The following DCC variants were observed in gnomAD, a reference collection of about 807,000 sequenced individuals.
DCC encodes the protein netrin receptor DCC.
DCC carries 58 observed loss-of-function variants against 172.5 expected under a neutral mutation model. That is an observed-to-expected ratio of 0.34 (90% CI 0.27 to 0.42). DCC has a LOEUF of 0.42. Ranked by LOEUF, DCC falls within the 10% of genes least tolerant of loss-of-function variation. The pLI, the probability that DCC is intolerant of heterozygous loss-of-function variation, is 1.00. For synonymous variants in DCC, 709 were observed against 644.5 expected, an observed-to-expected ratio of 1.10 and a Z score of -1.52; for missense variants, 1,740 against 1,791.0, an observed-to-expected ratio of 0.97 and a Z score of 0.51.
chr18:52,354,538 C>T (rs927094566), intron 1 of DCC, among the ~76,000 whole-genome samples: 9 of 152,078 alleles, frequency 5.9e-5, no homozygotes, highest in Admixed American at 2.0e-4. Flanking sequence ...TGTCAGAGAA[C>T]GCATTTTTGA....
intron 1 of DCC, among the ~76,000 whole-genome samples, chr18:52,664,972 C>A (rs575997748): frequency 6.6e-6 from 1 of 152,316 alleles, no homozygotes; most frequent in East Asian, 1.9e-4. Context: ...ATCTCCTCAC[C>A]AAATTTCTGA....
intron 2 of DCC, among the ~76,000 whole-genome samples, chr18:52,785,228 A>G (rs2037633691): frequency 1.3e-5 from 2 of 152,060 alleles, no homozygotes; most frequent in South Asian, 4.2e-4. Context: ...AAGAGAAGGG[A>G]AGATGGAGCT....
chr18:52,879,494 G>T (rs1358449363), intron 2 of DCC, among the ~76,000 whole-genome samples: 1 of 140,008 alleles, frequency 7.1e-6, no homozygotes, highest in Non-Finnish European at 1.5e-5. Flanking sequence ...CACGATCTCG[G>T]CTCACTGCAA....
intron 1 of DCC, among the ~76,000 whole-genome samples, chr18:52,690,617 A>T (rs2035916094): frequency 6.6e-6 from 1 of 152,120 alleles, no homozygotes; most frequent in Admixed American, 6.6e-5. Context: ...ACCAAAGGAG[A>T]TTGGCTGAGC....
At chr18:52,441,342 C>T (rs186054074) in intron 1 of DCC, among the ~76,000 whole-genome samples, 8 of 152,080 alleles carry the variant, frequency 5.3e-5, no homozygotes, top group Admixed American at 2.0e-4. Flanking sequence ...TTGATTTTTG[C>T]GTGAAAAAGA....
At chr18:52,878,458 C>A (rs577722799) in intron 2 of DCC, among the ~76,000 whole-genome samples, 11 of 152,116 alleles carry the variant, frequency 7.2e-5, no homozygotes, top group Non-Finnish European at 1.6e-4. Context: ...TTGTCCAAAT[C>A]ACCACCTACA....
At chr18:52,822,028 G>A (rs1215147062) in intron 2 of DCC, among the ~76,000 whole-genome samples, 1 of 152,130 alleles carries the variant, frequency 6.6e-6, no homozygotes, top group Non-Finnish European at 1.5e-5. Context: ...TTTGGTAATT[G>A]GGCTTTAGAA....
At chr18:52,782,338 G>A (rs557853222) in intron 2 of DCC, among the ~76,000 whole-genome samples, 30 of 152,168 alleles carry the variant, frequency 2.0e-4, no homozygotes, top group African/African-American at 7.2e-4. Context: ...TGTAGCATCC[G>A]CTTTGAACTA....
intron 26 of DCC, among the ~76,000 whole-genome samples, chr18:53,495,878 A>T (rs914959648): frequency 6.6e-6 from 1 of 152,108 alleles, no homozygotes; most frequent in African/African-American, 2.4e-5. Flanking sequence ...AATCTCTGAT[A>T]TCCTTTCTTC....
At chr18:52,439,174 T>TGTGTGTGTG (rs1987893263) in intron 1 of DCC, among the ~76,000 whole-genome samples, 1 of 144,750 alleles carries the variant, frequency 6.9e-6, no homozygotes, top group African/African-American at 2.6e-5. Context: ...AAGATATGTT[T>TGTGTGTGTG]TGTGTGTGTG....
chr18:53,237,782 TA>T (rs2056228216), intron 12 of DCC, among the ~76,000 whole-genome samples: 1 of 152,120 alleles, frequency 6.6e-6, no homozygotes, highest in Admixed American at 6.6e-5. Flanking sequence ...TAAATAAAAA[TA>T]ACATTTATTT....
intron 8 of DCC, among the ~76,000 whole-genome samples, chr18:53,161,502 T>C (rs73960207): frequency 6.6e-6 from 1 of 152,336 alleles, no homozygotes; most frequent in African/African-American, 2.4e-5. Flanking sequence ...CTTTATATTC[T>C]GTGAACATGC....
At chr18:52,701,424 A>T (rs2036121263) in intron 1 of DCC, among the ~76,000 whole-genome samples, 1 of 152,182 alleles carries the variant, frequency 6.6e-6, no homozygotes, top group African/African-American at 2.4e-5. Context: ...AAGCTGTGGG[A>T]GTTTCCTTCC....
chr18:52,453,212 T>A (rs1476662063), intron 1 of DCC, among the ~76,000 whole-genome samples: 2 of 152,240 alleles, frequency 1.3e-5, no homozygotes, highest in African/African-American at 2.4e-5. Context: ...AAATTATTCC[T>A]GGAATTAATT....
chr18:52,804,002 G>A (rs1194606061), intron 2 of DCC, among the ~76,000 whole-genome samples: 2 of 152,156 alleles, frequency 1.3e-5, no homozygotes, highest in African/African-American at 4.8e-5. Context: ...TGCGAAGGCT[G>A]CACCTGGACT....
chr18:53,022,484 T>A (rs2041894319), intron 5 of DCC, among the ~76,000 whole-genome samples: 1 of 152,076 alleles, frequency 6.6e-6, no homozygotes, highest in African/African-American at 2.4e-5. Flanking sequence ...TTAATTATTA[T>A]GCTTTCACTA....
At chr18:52,896,559 A>G (rs2039733811) in intron 2 of DCC, among the ~76,000 whole-genome samples, 1 of 152,260 alleles carries the variant, frequency 6.6e-6, no homozygotes, top group Non-Finnish European at 1.5e-5. Context: ...AGAAGAATCT[A>G]GAAAGACAAC....
chr18:52,621,992 C>A (rs917751699), intron 1 of DCC, among the ~76,000 whole-genome samples: 3 of 152,010 alleles, frequency 2.0e-5, no homozygotes, highest in African/African-American at 7.2e-5. Context: ...TTTTTATTTA[C>A]TAATAATAAG....
At chr18:52,360,540 T>C (rs1984573433) in intron 1 of DCC, among the ~76,000 whole-genome samples, 1 of 152,232 alleles carries the variant, frequency 6.6e-6, no homozygotes. Context: ...TGCAACCATG[T>C]AGCGTGGTCT....
Sources: allele counts gnomAD v4.1 joint callset (sites outside exome capture counted in the v4.1 genomes callset), GRCh38; gene constraint gnomAD v4.1.1; transcripts MANE v1.5; gene names NCBI Gene and HGNC (gene_info 2026-07-23, HGNC 2026-07-21).